Variants in NBAS observed in about 807,000 individuals in gnomAD.
The protein encoded by NBAS is NAG/BC035112 fusion.
A neutral mutation model predicts 302.5 loss-of-function variants in NBAS; 219 were observed. The ratio of observed to expected loss-of-function variants is 0.72; its 90% CI spans 0.65 to 0.81. NBAS has a LOEUF of 0.81. Among genes scored for constraint, NBAS ranks in the 30% least tolerant of loss-of-function variants. The probability of loss-of-function intolerance (pLI) is 0.00; values close to 1 mark genes in which losing one functional copy is unlikely to be tolerated. For missense variants in NBAS, 2,932 were observed against 2,841.6 expected (o/e 1.03, Z -0.72); for synonymous variants, 1,118 against 1,021.6 (o/e 1.09, Z -1.80).
chr2:15,147,422 C>T, the NBAS span, among the ~76,000 whole-genome samples: 25 of 151,888 alleles, frequency 1.6e-4, no homozygotes, highest in African/African-American at 2.7e-4. Flanking sequence ...GGAGAAACCC[C>T]ATCTCTACTA....
chr2:15,178,235 A>T, intron 51 of NBAS: 1 of 452,716 alleles, frequency 2.2e-6, no homozygotes, highest in Non-Finnish European at 4.5e-6. Context: ...GTAAAATTAC[A>T]TATGTGTGCA....
the NBAS span, among the ~76,000 whole-genome samples, chr2:14,921,740 G>T: frequency 3.3e-3 from 509 of 152,196 alleles, 16 homozygotes; most frequent in Admixed American, 0.029. Flanking sequence ...TGTGTGATTC[G>T]TGTATAAGCT....
the NBAS span, among the ~76,000 whole-genome samples, chr2:15,111,900 T>A: frequency 1.4e-5 from 2 of 147,698 alleles, no homozygotes; most frequent in Non-Finnish European, 3.0e-5. Flanking sequence ...TTAAATATTA[T>A]ATATTATATT....
chr2:14,838,164 A>AT, the NBAS span, among the ~76,000 whole-genome samples: 5 of 151,986 alleles, frequency 3.3e-5, no homozygotes, highest in Admixed American at 3.3e-4. Flanking sequence ...ATTACTATGA[A>AT]TTTTTTTGCT....
the NBAS span, among the ~76,000 whole-genome samples, chr2:15,126,014 A>G: frequency 6.6e-6 from 1 of 152,190 alleles, no homozygotes; most frequent in Non-Finnish European, 1.5e-5. Context: ...TTCAAATCTC[A>G]CGTTGAAGTG....
intron 19 of NBAS, among the ~76,000 whole-genome samples, chr2:15,465,309 G>T (rs1679677484): frequency 6.6e-6 from 1 of 152,162 alleles, no homozygotes; most frequent in African/African-American, 2.4e-5. Context: ...TTTTGTGAAA[G>T]GCCAGCTATT....
At chr2:15,460,116 C>T (rs1405405252) in intron 21 of NBAS, among the ~76,000 whole-genome samples, 3 of 152,092 alleles carry the variant, frequency 2.0e-5, no homozygotes, top group African/African-American at 7.2e-5. Flanking sequence ...ATGAGGAAAC[C>T]AAATGATCCC....
intron 38 of NBAS, among the ~76,000 whole-genome samples, chr2:15,314,867 C>T (rs576501630): frequency 2.6e-5 from 4 of 152,130 alleles, no homozygotes; most frequent in Non-Finnish European, 5.9e-5. Context: ...CAAAAACCTA[C>T]GGATGGATAC....
chr2:15,544,108 G>A (rs943446155), intron 6 of NBAS, among the ~76,000 whole-genome samples: 1 of 152,102 alleles, frequency 6.6e-6, no homozygotes, highest in Non-Finnish European at 1.5e-5. Flanking sequence ...TATGGTCTCA[G>A]TTTCCTCATT....
At chr2:15,239,035 GA>G (rs1295117058) in intron 44 of NBAS, among the ~76,000 whole-genome samples, 1 of 151,846 alleles carries the variant, frequency 6.6e-6, no homozygotes, top group Non-Finnish European at 1.5e-5. Flanking sequence ...TTCCAAAGAA[GA>G]AAATAAATAC....
At chr2:14,950,305 G>A in the NBAS span, among the ~76,000 whole-genome samples, 2 of 152,108 alleles carry the variant, frequency 1.3e-5, no homozygotes, top group Admixed American at 6.6e-5. Flanking sequence ...TAGAATAATA[G>A]TCTCCAATCT....
At chr2:14,846,186 A>G in the NBAS span, among the ~76,000 whole-genome samples, 1 of 152,218 alleles carries the variant, frequency 6.6e-6, no homozygotes. Context: ...CATACACTAC[A>G]GCTTGAATAT....
At chr2:14,895,739 C>CAAAAAAAAAAAAAAA in the NBAS span, among the ~76,000 whole-genome samples, 11 of 95,496 alleles carry the variant, frequency 1.2e-4, no homozygotes, top group African/African-American at 3.8e-4. Flanking sequence ...GACTCCGTCT[C>CAAAAAAAAAAAAAAA]AAAAAAAAAA....
At chr2:14,854,172 C>T in the NBAS span, among the ~76,000 whole-genome samples, 1 of 151,646 alleles carries the variant, frequency 6.6e-6, no homozygotes, top group Non-Finnish European at 1.5e-5. Context: ...CTATAGGATA[C>T]AGCAAATGCA....
At chr2:14,937,770 G>A in the NBAS span, among the ~76,000 whole-genome samples, 10 of 152,194 alleles carry the variant, frequency 6.6e-5, no homozygotes, top group African/African-American at 2.4e-4. Context: ...CCATTTATCA[G>A]AAGTGGGATC....
At chr2:14,855,743 AGGC>A in the NBAS span, among the ~76,000 whole-genome samples, 1 of 152,180 alleles carries the variant, frequency 6.6e-6, no homozygotes, top group Admixed American at 6.5e-5. Context: ...CTGCCAGGTC[AGGC>A]ACGATACAAT....
chr2:15,162,934 G>A (rs1663929697), downstream of NBAS, among the ~76,000 whole-genome samples: 1 of 152,192 alleles, frequency 6.6e-6, no homozygotes, highest in South Asian at 2.1e-4. Flanking sequence ...GGGCAAACTT[G>A]CATTTGAATG....
chr2:15,353,159 C>T (rs1572705527), intron 34 of NBAS, among the ~76,000 whole-genome samples: 1 of 152,264 alleles, frequency 6.6e-6, no homozygotes, highest in Middle Eastern at 3.4e-3. Flanking sequence ...AACCAAAGCC[C>T]ACCTCAATCC....
At chr2:14,785,410 G>T in the NBAS span, among the ~76,000 whole-genome samples, 3 of 152,270 alleles carry the variant, frequency 2.0e-5, no homozygotes, top group African/African-American at 7.2e-5. Flanking sequence ...TTTTCAAAGG[G>T]AATGCTTCCA....
Sources: gnomAD v4.1 joint callset for allele counts (sites outside exome capture counted in the v4.1 genomes callset) on GRCh38, gnomAD v4.1.1 for gene constraint, MANE v1.5 for transcripts, NCBI Gene and HGNC (gene_info 2026-07-23, HGNC 2026-07-21) for gene names.